The following KIF6 variants were observed in gnomAD, a reference collection of about 807,000 sequenced individuals.
The protein encoded by KIF6 is kinesin family member 6.
KIF6 carries 106 observed loss-of-function variants against 112.7 expected under a neutral mutation model. The observed-to-expected ratio is 0.94, with a 90% CI of 0.80 to 1.11. The LOEUF (loss-of-function observed/expected upper bound fraction) is 1.11, where lower values mean the gene tolerates loss of function less well. KIF6 is among the 50% of genes least tolerant of loss of function. KIF6 has a pLI of 0.00. For synonymous variants in KIF6, 339 were observed against 339.9 expected, an observed-to-expected ratio of 1.00 and a Z score of 0.03; for missense variants, 929 against 964.0, an observed-to-expected ratio of 0.96 and a Z score of 0.48.
intron 3 of KIF6, among the ~76,000 whole-genome samples, chr6:39,692,045 T>A (rs1450527591): frequency 6.6e-6 from 1 of 152,212 alleles, no homozygotes; most frequent in Admixed American, 6.5e-5. Flanking sequence ...CTACTCCAGA[T>A]AAAAACATAG....
chr6:39,343,571 G>T lies in KIF6; in HGVS notation c.2428+138C>A. ...AGAAGGAATCAGAGGCTGGGCACAT[G>T]TGACTGACAGGCAGGCCAGTCCTGT... On this transcript the variant is annotated intron_variant, in intron 22 of 22. Transcript: ENST00000287152. This position sits in a 1 kb window ranked among gnomAD's most constrained non-coding sequence, Gnocchi z 4.1. The T allele has an allele frequency of 8.2e-7, 1 of 1,224,582 alleles. No individual in the cohort carries two copies. Among genetic ancestry groups the T allele is most frequent in the Non-Finnish European group, 1.1e-6 (1 of 882,854 alleles). 75.9% of individuals were successfully genotyped at this position (1,224,582 alleles called of 1,614,324 possible). A position where few individuals can be genotyped will look rare whatever the true frequency, so the allele number is the denominator to read the frequency against.
intron 6 of KIF6, among the ~76,000 whole-genome samples, chr6:39,606,467 T>G (rs2150706855): frequency 6.6e-6 from 1 of 152,268 alleles, no homozygotes; most frequent in Admixed American, 6.5e-5. Flanking sequence ...TCTGATAATT[T>G]TATCTTTGAA....
chr6:39,418,105 C>G (rs1770065681), intron 15 of KIF6, among the ~76,000 whole-genome samples: 1 of 152,176 alleles, frequency 6.6e-6, no homozygotes, highest in Admixed American at 6.5e-5. Flanking sequence ...GGAGATCAGC[C>G]TAGGATCAAT....
rs1359162621 is a variant in KIF6, at chr6:39,378,103, G to A, written c.1861+7519C>T. Among the ~76,000 whole-genome samples, 1 of 152,142 alleles carries A rather than the reference G, an allele frequency of 6.6e-6. No individual in the cohort carries two copies. The highest frequency in any genetic ancestry group is 1.9e-4 in the East Asian group (1 of 5,206). ...ATGCTCGCTGTCGAGGAAATGGGAT[G>A]TTCCAGTAAGCTCTGTTTTCACAGA... On this transcript the variant is annotated intron_variant, in intron 16 of 22. Transcript: ENST00000287152. The surrounding 1 kb of genome is among the most constrained non-coding windows in gnomAD (Gnocchi z 5.0).
chr6:39,679,758 G>A (rs956216187), intron 3 of KIF6, among the ~76,000 whole-genome samples: 1 of 151,242 alleles, frequency 6.6e-6, no homozygotes, highest in East Asian at 2.0e-4. Flanking sequence ...TGGGACTACA[G>A]GTGCATGCCA....
chr6:39,456,989 G>A (rs1223865251), intron 13 of KIF6, among the ~76,000 whole-genome samples: 1 of 145,886 alleles, frequency 6.9e-6, no homozygotes, highest in Admixed American at 6.9e-5. Flanking sequence ...AGGATACCCA[G>A]GAATTGAACT....
At chr6:39,435,007 C>T (rs905269904) in intron 13 of KIF6, among the ~76,000 whole-genome samples, 12 of 152,194 alleles carry the variant, frequency 7.9e-5, no homozygotes, top group South Asian at 2.1e-4. Context: ...CTATGATCTC[C>T]GCAAATAAGT....
At chr6:39,419,667 A>G (rs555097805) in intron 15 of KIF6, among the ~76,000 whole-genome samples, 15 of 152,332 alleles carry the variant, frequency 9.8e-5, no homozygotes, top group Admixed American at 2.0e-4. Flanking sequence ...CTACTGCTGA[A>G]AAACACCAGG....
chr6:39,717,798 T>C (rs1469457343), intron 2 of KIF6, among the ~76,000 whole-genome samples: 1 of 152,226 alleles, frequency 6.6e-6, no homozygotes, highest in Non-Finnish European at 1.5e-5. Context: ...AATATTTATC[T>C]CTGAACATAT....
In KIF6 at chr6:39,360,515, G is replaced by C. The variant is rs1765045523; in HGVS notation, c.1962C>G (p.Phe654Leu). The C allele has an allele frequency of 6.2e-7, 1 of 1,614,254 alleles. No individual in the cohort carries two copies. Among genetic ancestry groups the C allele is most frequent in the East Asian group, 2.2e-5 (1 of 44,880 alleles). The change falls in exon 18 of 23, where the codon TTC becomes TTG. Residue 654 changes from phenylalanine (F) to leucine (L), a missense_variant. Phe to Leu is a conservative substitution (Grantham distance 22). Coordinates refer to ENST00000287152, the MANE Select transcript of KIF6 (RefSeq NM_145027.6). ...CCACCTTCAGGGCTTTCAGGCGAGTGAACATTGTTTTATACCTGCGGTGGA... is the reference window on the plus strand; with the variant it reads ...CCACCTTCAGGGCTTTCAGGCGAGTCAACATTGTTTTATACCTGCGGTGGA... ...EEEKRRYKTM[F>L]TRLKALKVEI...
intron 19 of KIF6, 33 bp downstream of exon 19, chr6:39,357,244 A>C (rs780176724): frequency 7.0e-7 from 1 of 1,434,546 alleles, no homozygotes; most frequent in Non-Finnish European, 9.7e-7. Context: ...CTTTTCTGGG[A>C]ACTCTAACAC....
intron 3 of KIF6, among the ~76,000 whole-genome samples, chr6:39,713,720 T>C (rs1439242060): frequency 6.6e-6 from 1 of 152,208 alleles, no homozygotes; most frequent in African/African-American, 2.4e-5. Flanking sequence ...GAGGTGTTAT[T>C]GGATTGTTGG....
intron 2 of KIF6, among the ~76,000 whole-genome samples, chr6:39,715,259 C>T (rs2113880281): frequency 6.6e-6 from 1 of 152,190 alleles, no homozygotes; most frequent in African/African-American, 2.4e-5. Context: ...GGTGCTATAT[C>T]CTAGCATCAA....
chr6:39,443,220 C>T (rs1772066804), intron 13 of KIF6, among the ~76,000 whole-genome samples: 1 of 151,318 alleles, frequency 6.6e-6, no homozygotes, highest in Non-Finnish European at 1.5e-5. Flanking sequence ...TTCCCTGAGT[C>T]TCACATGTCC....
At chr6:39,531,593 A>G (rs1248518919) in intron 13 of KIF6, among the ~76,000 whole-genome samples, 1 of 152,084 alleles carries the variant, frequency 6.6e-6, no homozygotes, top group Admixed American at 6.6e-5. Flanking sequence ...TTCAGCAGAG[A>G]TGCCAATCCC....
At chr6:39,446,421 G>A (rs192121665) in intron 13 of KIF6, among the ~76,000 whole-genome samples, 1 of 152,326 alleles carries the variant, frequency 6.6e-6, no homozygotes, top group African/African-American at 2.4e-5. Context: ...TACAGTAGAT[G>A]CTCCAAACAA....
chr6:39,431,006 G>T, intron 14 of KIF6, 47 bp downstream of exon 14: 1 of 1,136,712 alleles, frequency 8.8e-7, no homozygotes, highest in Non-Finnish European at 1.3e-6. Flanking sequence ...TTCTAGGCTG[G>T]CCTGGCTGAG....
In KIF6 at chr6:39,343,089, A is replaced by T. The variant is rs943111028; in HGVS notation, c.2428+620T>A. The T allele has an allele frequency of 1.1e-5, 11 of 985,250 alleles. No individual in the cohort carries two copies. The African/African-American group carries it at 1.9e-4, about 17-fold the overall frequency. 61.0% of individuals were successfully genotyped at this position (985,250 alleles called of 1,614,324 possible). ...GGTGTGTTGGGGATGGAAGGCAGAA[A>T]GAGAAAAGGCCCAGCCACAGCAGAT... On this transcript the variant is annotated intron_variant, in intron 22 of 22. Transcript: ENST00000287152. This position sits in a 1 kb window ranked among gnomAD's most constrained non-coding sequence, Gnocchi z 4.1.
intron 3 of KIF6, among the ~76,000 whole-genome samples, chr6:39,657,633 T>C (rs985771157): frequency 1.3e-5 from 2 of 152,208 alleles, no homozygotes; most frequent in African/African-American, 4.8e-5. Flanking sequence ...AAATTATCTC[T>C]CTCTAAATTT....
Sources: gnomAD v4.1 joint callset for allele counts (sites outside exome capture counted in the v4.1 genomes callset) on GRCh38, gnomAD v4.1.1 for gene constraint, Gnocchi (gnomAD v3.1) non-coding constraint, MANE v1.5 for transcripts, NCBI Gene and HGNC (gene_info 2026-07-23, HGNC 2026-07-21) for gene names.